Variants in GALNT13 observed in about 807,000 individuals in gnomAD.
GALNT13 encodes polypeptide N-acetylgalactosaminyltransferase 13.
A neutral mutation model predicts 64.2 loss-of-function variants in GALNT13; 28 were observed. The ratio of observed to expected loss-of-function variants is 0.44; its 90% CI spans 0.32 to 0.60. The LOEUF is 0.60. Ranked by LOEUF, GALNT13 falls within the 20% of genes least tolerant of loss-of-function variation. The probability of loss-of-function intolerance (pLI) is 0.05; values close to 1 mark genes in which losing one functional copy is unlikely to be tolerated. For synonymous variants in GALNT13, 214 were observed against 224.6 expected, an observed-to-expected ratio of 0.95 and a Z score of 0.42; for missense variants, 577 against 669.8, an observed-to-expected ratio of 0.86 and a Z score of 1.53.
At chr2:153,107,775 G>A in the GALNT13 span, among the ~76,000 whole-genome samples, 3,612 of 152,176 alleles carry the variant, frequency 0.024, 141 homozygotes, top group African/African-American at 0.083. Context: ...ATGCGTGTGG[G>A]TGGAGAGAAA....
intron 8 of GALNT13, among the ~76,000 whole-genome samples, chr2:154,298,660 T>TG (rs1340637365): frequency 1.9e-5 from 1 of 53,916 alleles, no homozygotes; most frequent in African/African-American, 8.9e-5. Flanking sequence ...GTATATACAA[T>TG]TTATATATAC....
chr2:153,818,850 G>A, the GALNT13 span, among the ~76,000 whole-genome samples: 1 of 152,124 alleles, frequency 6.6e-6, no homozygotes, highest in South Asian at 2.1e-4. Flanking sequence ...CCACCAGTCT[G>A]TAATATTCCC....
the GALNT13 span, among the ~76,000 whole-genome samples, chr2:153,396,227 T>A: frequency 6.6e-5 from 10 of 152,046 alleles, no homozygotes; most frequent in African/African-American, 9.7e-5. Flanking sequence ...TTGTACCAGG[T>A]GCTCTGCTAG....
At chr2:154,134,652 T>C (rs1453690031) in intron 3 of GALNT13, among the ~76,000 whole-genome samples, 1 of 152,228 alleles carries the variant, frequency 6.6e-6, no homozygotes, top group African/African-American at 2.4e-5. Context: ...TGGATTCACA[T>C]ATTTATTTGG....
chr2:153,991,364 G>A (rs1695147028), intron 3 of GALNT13, among the ~76,000 whole-genome samples: 1 of 152,116 alleles, frequency 6.6e-6, no homozygotes, highest in Non-Finnish European at 1.5e-5. Context: ...GAGGGACAAG[G>A]AATCTGGAAA....
chr2:153,114,711 CT>C, the GALNT13 span, among the ~76,000 whole-genome samples: 1 of 152,034 alleles, frequency 6.6e-6, no homozygotes, highest in Non-Finnish European at 1.5e-5. Context: ...ATAGATAATT[CT>C]TTTTTTCTAC....
chr2:153,595,024 A>T, the GALNT13 span, among the ~76,000 whole-genome samples: 6 of 152,252 alleles, frequency 3.9e-5, no homozygotes, highest in South Asian at 1.2e-3. Context: ...TAATTACAAA[A>T]ATAAATCTTG....
At chr2:154,223,772 C>A (rs1244433712) in intron 4 of GALNT13, among the ~76,000 whole-genome samples, 1 of 152,042 alleles carries the variant, frequency 6.6e-6, no homozygotes, top group Admixed American at 6.6e-5. Flanking sequence ...GTGGTAATAG[C>A]TGCTCTTAAC....
intron 2 of GALNT13, among the ~76,000 whole-genome samples, chr2:153,926,065 A>C (rs1013045787): frequency 6.6e-6 from 1 of 151,692 alleles, no homozygotes; most frequent in Non-Finnish European, 1.5e-5. Context: ...TTGCCTGTCA[A>C]TCATGATTTT....
chr2:153,299,410 C>G, the GALNT13 span, among the ~76,000 whole-genome samples: 1 of 152,040 alleles, frequency 6.6e-6, no homozygotes, highest in East Asian at 1.9e-4. Flanking sequence ...TAGGGAAATT[C>G]AAAAGGGATA....
chr2:153,767,244 G>A, the GALNT13 span, among the ~76,000 whole-genome samples: 1 of 151,958 alleles, frequency 6.6e-6, no homozygotes, highest in Admixed American at 6.6e-5. Context: ...TAGAATAATG[G>A]CCTCTAGCTC....
At chr2:153,965,076 A>G (rs1377238795) in intron 3 of GALNT13, among the ~76,000 whole-genome samples, 2 of 152,168 alleles carry the variant, frequency 1.3e-5, no homozygotes, top group East Asian at 1.9e-4. Context: ...TTAAGGATAC[A>G]TAACAGTTTT....
chr2:153,198,890 G>A, the GALNT13 span, among the ~76,000 whole-genome samples: 1 of 152,106 alleles, frequency 6.6e-6, no homozygotes, highest in African/African-American at 2.4e-5. Flanking sequence ...CTGTCCCTGG[G>A]GCACAGGCCA....
At chr2:153,755,180 A>G in the GALNT13 span, among the ~76,000 whole-genome samples, 1 of 152,120 alleles carries the variant, frequency 6.6e-6, no homozygotes, top group Non-Finnish European at 1.5e-5. Flanking sequence ...TTGATCTTAT[A>G]AAGGTTTCTG....
At chr2:153,721,575 G>A in the GALNT13 span, among the ~76,000 whole-genome samples, 15 of 149,312 alleles carry the variant, frequency 1.0e-4, no homozygotes, top group Non-Finnish European at 2.1e-4. Context: ...CATCTCACGT[G>A]CAGAGACACA....
At chr2:154,298,562 ATTT>A (rs1338915537) in intron 8 of GALNT13, among the ~76,000 whole-genome samples, 1 of 63,068 alleles carries the variant, frequency 1.6e-5, no homozygotes, top group Non-Finnish European at 3.2e-5. Flanking sequence ...TGTATATATA[ATTT>A]ATATATAAAT....
chr2:153,747,988 A>G, the GALNT13 span, among the ~76,000 whole-genome samples: 1 of 152,168 alleles, frequency 6.6e-6, no homozygotes, highest in African/African-American at 2.4e-5. Context: ...GGGAATGCAG[A>G]TATCTTTTTG....
At chr2:153,921,889 G>C (rs1689783466) in intron 2 of GALNT13, among the ~76,000 whole-genome samples, 1 of 151,826 alleles carries the variant, frequency 6.6e-6, no homozygotes, top group Non-Finnish European at 1.5e-5. Context: ...AAAGACTATG[G>C]ATGGCAAATA....
chr2:153,530,362 A>G, the GALNT13 span, among the ~76,000 whole-genome samples: 1,426 of 152,234 alleles, frequency 9.4e-3, 23 homozygotes, highest in African/African-American at 0.032. Context: ...TGATGAAAGA[A>G]ATAGAAGAAA....
Sources: allele counts gnomAD v4.1 joint callset (sites outside exome capture counted in the v4.1 genomes callset), GRCh38; gene constraint gnomAD v4.1.1; transcripts MANE v1.5; gene names NCBI Gene and HGNC (gene_info 2026-07-23, HGNC 2026-07-21).